Variants in DLGAP2 observed in about 807,000 individuals in gnomAD.
DLGAP2 encodes the protein DLG associated protein 2.
Under a neutral mutation model 100.3 loss-of-function variants are expected in DLGAP2, and 26 were observed. The ratio of observed to expected loss-of-function variants is 0.26; its 90% CI spans 0.19 to 0.36. The LOEUF (loss-of-function observed/expected upper bound fraction) is 0.36. DLGAP2 is among the 10% of genes least tolerant of loss of function. The pLI, the probability that DLGAP2 is intolerant of heterozygous loss-of-function variation, is 1.00. For missense variants in DLGAP2, 1,858 were observed against 1,453.2 expected (o/e 1.28, Z -4.53); for synonymous variants, 886 against 630.1 (o/e 1.41, Z -6.08).
chr8:1,121,485 A>C (rs578166514), intron 2 of DLGAP2, among the ~76,000 whole-genome samples: 1 of 151,430 alleles, frequency 6.6e-6, no homozygotes, highest in East Asian at 2.0e-4. Context: ...TCTAGAACCC[A>C]TGACCTCCCA....
At chr8:1,352,427 C>G (rs1303689176) in intron 3 of DLGAP2, among the ~76,000 whole-genome samples, 2 of 152,130 alleles carry the variant, frequency 1.3e-5, no homozygotes, top group Non-Finnish European at 2.9e-5. Flanking sequence ...CTGTACCTGC[C>G]CTTCCCTCCC....
At chr8:1,227,090 A>G (rs969889413) in intron 2 of DLGAP2, among the ~76,000 whole-genome samples, 1 of 138,800 alleles carries the variant, frequency 7.2e-6, no homozygotes, top group Non-Finnish European at 1.5e-5. Context: ...GTATTTCACA[A>G]TAGCCGAGAT....
intron 8 of DLGAP2, among the ~76,000 whole-genome samples, chr8:1,648,365 A>G (rs951085537): frequency 6.6e-6 from 1 of 152,108 alleles, no homozygotes; most frequent in Admixed American, 6.5e-5. Flanking sequence ...AATTATCTAT[A>G]ACCGACATGT....
At chr8:1,210,539 G>A (rs1271900380) in intron 2 of DLGAP2, among the ~76,000 whole-genome samples, 1 of 152,226 alleles carries the variant, frequency 6.6e-6, no homozygotes, top group Non-Finnish European at 1.5e-5. Flanking sequence ...CCCCCAGCAA[G>A]CACAGCACAG....
intron 2 of DLGAP2, among the ~76,000 whole-genome samples, chr8:1,111,448 C>G (rs927878170): frequency 2.0e-5 from 3 of 151,742 alleles, no homozygotes; most frequent in Non-Finnish European, 2.9e-5. Context: ...AGGCTTCTTA[C>G]TTAGGTTAAC....
intron 8 of DLGAP2, among the ~76,000 whole-genome samples, chr8:1,659,920 G>A (rs1006288626): frequency 3.9e-5 from 6 of 152,178 alleles, no homozygotes; most frequent in Non-Finnish European, 7.3e-5. Flanking sequence ...GTTAGTTGAT[G>A]TAGTTTCTTC....
At chr8:1,227,447 G>A (rs185769244) in intron 2 of DLGAP2, among the ~76,000 whole-genome samples, 1 of 150,648 alleles carries the variant, frequency 6.6e-6, no homozygotes, top group Non-Finnish European at 1.5e-5. Flanking sequence ...GTCTTCACAT[G>A]TGAGATGAAT....
intron 3 of DLGAP2, among the ~76,000 whole-genome samples, chr8:1,455,974 T>C (rs937250334): frequency 1.3e-5 from 2 of 152,182 alleles, no homozygotes; most frequent in African/African-American, 4.8e-5. Flanking sequence ...CCATTACACA[T>C]CATCTTGTCT....
At position 1,552,986 on chromosome 8, in the gene DLGAP2, A is replaced by G. The variant is rs547141230; in HGVS notation, c.1230+3303A>G. 1.4e-4 allele frequency among the ~76,000 whole-genome samples: 22 copies of G among 152,244 alleles called. 1 individual carries two copies. Among genetic ancestry groups the G allele is most frequent in the Non-Finnish European group, 1.5e-4 (10 of 68,042 alleles). Reference sequence around the variant, plus strand: ...CTTTTCATGAGCATTGTAGGAATGCAGAACGGATTCGCCGTGGCTTAGCTC... The same window carrying G: ...CTTTTCATGAGCATTGTAGGAATGCGGAACGGATTCGCCGTGGCTTAGCTC... On this transcript the variant is annotated intron_variant, in intron 5 of 14. Transcript: ENST00000637795.
intron 1 of DLGAP2, among the ~76,000 whole-genome samples, chr8:871,716 A>G (rs1321325526): frequency 6.6e-6 from 1 of 152,062 alleles, no homozygotes; most frequent in Non-Finnish European, 1.5e-5. Flanking sequence ...AAAAAAAACC[A>G]ATTTGAAGTA....
intron 6 of DLGAP2, among the ~76,000 whole-genome samples, chr8:1,612,527 C>A (rs1402201043): frequency 1.2e-4 from 17 of 138,684 alleles, no homozygotes; most frequent in Non-Finnish European, 2.3e-4. Flanking sequence ...CAACCAAAGC[C>A]AAAATTGACA....
intron 2 of DLGAP2, among the ~76,000 whole-genome samples, chr8:1,067,341 T>A (rs1338470438): frequency 6.6e-6 from 1 of 152,198 alleles, no homozygotes; most frequent in African/African-American, 2.4e-5. Context: ...TCTGACCTGT[T>A]GGTGTTCCCG....
At chr8:1,184,665 A>T (rs1797461523) in intron 2 of DLGAP2, among the ~76,000 whole-genome samples, 1 of 152,110 alleles carries the variant, frequency 6.6e-6, no homozygotes, top group Admixed American at 6.5e-5. Flanking sequence ...GCACCCTCGG[A>T]GTTTGCGGGA....
At chr8:1,588,999 C>G (rs1796211994) in intron 6 of DLGAP2, among the ~76,000 whole-genome samples, 1 of 152,162 alleles carries the variant, frequency 6.6e-6, no homozygotes, top group Admixed American at 6.5e-5. Context: ...CCTTCACATT[C>G]AGGTATTTGA....
intron 3 of DLGAP2, among the ~76,000 whole-genome samples, chr8:1,344,360 C>T (rs544169205): frequency 4.9e-4 from 74 of 152,272 alleles, no homozygotes; most frequent in African/African-American, 1.6e-3. Context: ...CGCACATGGC[C>T]GGGACACAGC....
chr8:1,092,409 G>C (rs182082522), intron 2 of DLGAP2, among the ~76,000 whole-genome samples: 2 of 152,338 alleles, frequency 1.3e-5, no homozygotes, highest in East Asian at 3.9e-4. Context: ...CAGCGATCCC[G>C]GGGCTGGCTT....
intron 3 of DLGAP2, among the ~76,000 whole-genome samples, chr8:1,373,228 G>A (rs1170349126): frequency 1.3e-5 from 2 of 150,828 alleles, no homozygotes; most frequent in Admixed American, 6.6e-5. Flanking sequence ...ACTCTGTGCT[G>A]GAGAAAGCCA....
At chr8:1,028,738 G>A (rs150175738) in intron 2 of DLGAP2, among the ~76,000 whole-genome samples, 13 of 152,344 alleles carry the variant, frequency 8.5e-5, no homozygotes, top group South Asian at 2.1e-4. Context: ...CAACCATGGC[G>A]GGGAATTTGG....
chr8:1,257,241 C>T (rs1297152382), intron 2 of DLGAP2, among the ~76,000 whole-genome samples: 1 of 152,200 alleles, frequency 6.6e-6, no homozygotes, highest in Non-Finnish European at 1.5e-5. Flanking sequence ...ACACACACGG[C>T]TCCCAGGTGA....
Sources: allele counts gnomAD v4.1 joint callset (sites outside exome capture counted in the v4.1 genomes callset), GRCh38; gene constraint gnomAD v4.1.1; transcripts MANE v1.5; gene names NCBI Gene and HGNC (gene_info 2026-07-23, HGNC 2026-07-21).